The following SNX25 variants were observed in gnomAD, a reference collection of about 807,000 sequenced individuals.
The protein encoded by SNX25 is sorting nexin-25.
A neutral mutation model predicts 113.7 loss-of-function variants in SNX25; 62 were observed. The ratio of observed to expected loss-of-function variants is 0.55; its 90% CI spans 0.44 to 0.67. SNX25 has a LOEUF of 0.67. SNX25 is among the 30% of genes least tolerant of loss of function. SNX25 has a pLI of 0.00. For synonymous variants in SNX25, 421 were observed against 436.2 expected (o/e 0.97, Z 0.43); for missense variants, 1,014 against 1,161.0 (o/e 0.87, Z 1.84).
chr4:185,297,996 A>G (rs544549253), intron 6 of SNX25, among the ~76,000 whole-genome samples: 13 of 152,122 alleles, frequency 8.5e-5, no homozygotes, highest in Admixed American at 5.2e-4. Flanking sequence ...GTCCATTATT[A>G]TGCAGATGGA....
intron 14 of SNX25, among the ~76,000 whole-genome samples, chr4:185,351,908 G>A (rs1391787149): frequency 6.7e-6 from 1 of 150,318 alleles, no homozygotes; most frequent in Non-Finnish European, 1.5e-5. Context: ...CGTCATTGCG[G>A]GGTGGGGGGG....
At chr4:185,323,482 T>G in intron 8 of SNX25, 46 bp from the exon 9 acceptor site, 1 of 1,534,494 alleles carries the variant, frequency 6.5e-7, no homozygotes, top group Non-Finnish European at 8.8e-7. Flanking sequence ...ATAATTTCTC[T>G]CAGAGATGAT....
Position 185,274,856 on chromosome 4 carries a change from C to T in SNX25, c.1091+7701C>T, listed in dbSNP as rs569277058. ...AAAGTAAACTGACTTGCCCAGGATC[C>T]CATAGATAATAAACAACAGAGCTGG... On this transcript the variant is annotated intron_variant, in intron 5 of 18. Coordinates refer to ENST00000652585, the MANE Select transcript of SNX25 (RefSeq NM_001378034.2). Among the ~76,000 whole-genome samples the T allele has an allele frequency of 4.6e-5, 7 of 152,248 alleles. No individual in the cohort carries two copies. The South Asian group carries it at 1.5e-3, about 32-fold the overall frequency.
chr4:185,251,130 G>C (rs903698812), intron 2 of SNX25, among the ~76,000 whole-genome samples: 5 of 152,112 alleles, frequency 3.3e-5, no homozygotes, highest in Admixed American at 3.3e-4. Context: ...AAGTAGCTGA[G>C]ATTACAGGCA....
At chr4:185,376,909 C>T in the SNX25 span, 1 of 1,600,162 alleles carries the variant, frequency 6.2e-7, no homozygotes, top group Non-Finnish European at 8.6e-7. Context: ...AAAATGATAC[C>T]TCTTCAAAAT....
intron 1 of SNX25, among the ~76,000 whole-genome samples, chr4:185,231,702 C>T (rs1204198412): frequency 8.7e-6 from 1 of 114,800 alleles, no homozygotes; most frequent in African/African-American, 3.1e-5. Flanking sequence ...CAGAGTGGGA[C>T]TCCATCTTCA....
chr4:185,273,859 A>G (rs1238164064), intron 5 of SNX25, among the ~76,000 whole-genome samples: 1 of 152,126 alleles, frequency 6.6e-6, no homozygotes, highest in African/African-American at 2.4e-5. Flanking sequence ...GCTGAATAGT[A>G]AAGCAGGCAG....
intron 5 of SNX25, among the ~76,000 whole-genome samples, chr4:185,273,673 C>A (rs1325341861): frequency 6.6e-6 from 1 of 152,144 alleles, no homozygotes; most frequent in African/African-American, 2.4e-5. Context: ...CTTCCAATCT[C>A]CCTCCCACCT....
chr4:185,248,506 A>C (rs1221066091), intron 2 of SNX25, among the ~76,000 whole-genome samples: 1 of 151,914 alleles, frequency 6.6e-6, no homozygotes, highest in Non-Finnish European at 1.5e-5. Flanking sequence ...ACAAAAATTA[A>C]CTGGGAGTGG....
intron 13 of SNX25, among the ~76,000 whole-genome samples, chr4:185,347,019 G>A (rs1399283735): frequency 2.6e-5 from 4 of 152,130 alleles, no homozygotes; most frequent in Admixed American, 6.5e-5. Flanking sequence ...AAATGGAACC[G>A]TATAGTGTGA....
At chr4:185,372,622 A>C (rs2095419712), downstream of SNX25, among the ~76,000 whole-genome samples, 1 of 152,222 alleles carries the variant, frequency 6.6e-6, no homozygotes, top group African/African-American at 2.4e-5. Flanking sequence ...TGGGGCTCTT[A>C]AGAGGCGACG....
chr4:185,206,133 T>C (rs780361802), upstream of SNX25, among the ~76,000 whole-genome samples: 4 of 152,214 alleles, frequency 2.6e-5, no homozygotes, highest in Admixed American at 2.6e-4. Context: ...TAGAATTATA[T>C]GACCCAGCAA....
chr4:185,346,487 GA>G lies in SNX25; in HGVS notation c.2188-49del, dbSNP rs749673192. On this transcript the variant is annotated intron_variant, in intron 12 of 18. Coordinates refer to ENST00000652585, the MANE Select transcript of SNX25 (RefSeq NM_001378034.2). The stretch of plus-strand genomic sequence containing the variant: ...AATTGTTATTCTAAATCTTTTTTAA[GA>G]TTAAAATGTAATTTCAAAATACTAA... 18 of 1,198,358 alleles carry G rather than the reference GA, an allele frequency of 1.5e-5. No homozygotes were observed. The Admixed American group carries it at 3.8e-4, about 25-fold the overall frequency. 74.2% of individuals were successfully genotyped at this position (1,198,358 alleles called of 1,614,324 possible).
In SNX25 at chr4:185,287,996, T is replaced by C; in HGVS notation, c.1092-16T>C. On this transcript the variant is annotated splice_polypyrimidine_tract_variant and intron_variant, in intron 5 of 18. Transcript: ENST00000652585. The stretch of plus-strand genomic sequence containing the variant: ...CTTCCTCTTAAATCTTTTTCTTTTC[T>C]CTTTTTAAAAATCAGGTATCAAATT... 1 of 1,598,310 alleles carries C rather than the reference T, an allele frequency of 6.3e-7. No homozygotes were observed.
the SNX25 span, among the ~76,000 whole-genome samples, chr4:185,376,443 CTTTTTTTTTTTT>C: frequency 2.8e-5 from 3 of 105,824 alleles, no homozygotes; most frequent in Non-Finnish European, 5.5e-5. Context: ...TGCCCAGCTA[CTTTTTTTTTTTT>C]TTTTTTTTTT....
chr4:185,318,545 T>A (rs889830819), intron 7 of SNX25, among the ~76,000 whole-genome samples: 5 of 152,210 alleles, frequency 3.3e-5, no homozygotes, highest in South Asian at 2.1e-4. Flanking sequence ...GAGATTTTTT[T>A]AATGAATATG....
At chr4:185,307,059 G>T (rs1233160860) in intron 6 of SNX25, among the ~76,000 whole-genome samples, 1 of 152,244 alleles carries the variant, frequency 6.6e-6, no homozygotes, top group Non-Finnish European at 1.5e-5. Context: ...GTATTGACCT[G>T]AGGCCTGCCT....
In SNX25 at chr4:185,264,491, A is replaced by G. The variant is rs1464164482; in HGVS notation, c.785A>G (p.Asp262Gly). Residue 262 changes from aspartate to glycine, a missense_variant, in exon 4 of 19, where the codon GAT becomes GGT. By Grantham distance (94) the Asp-to-Gly change is moderately conservative. Coordinates refer to ENST00000652585, the MANE Select transcript of SNX25 (RefSeq NM_001378034.2). The part of the protein sequence containing the change: ...FVLHACLRNS[D>G]DEVRFLQTCS... ...TTGCACGCATGCTTGAGGAACTCAG[A>G]TGATGAAGTAAGATTTCTACAAACG... 3 of 1,613,828 alleles carry G rather than the reference A, an allele frequency of 1.9e-6. No individual in the cohort carries two copies. The highest frequency in any genetic ancestry group is 2.7e-5 in the African/African-American group (2 of 74,932).
downstream of SNX25, chr4:185,364,645 A>T (rs1212533036): frequency 6.6e-6 from 1 of 152,014 alleles, no homozygotes; most frequent in Non-Finnish European, 1.5e-5. Context: ...TATCCTTAAG[A>T]TTTTTTTAGT....
Sources: allele counts gnomAD v4.1 joint callset (sites outside exome capture counted in the v4.1 genomes callset), GRCh38; gene constraint gnomAD v4.1.1; transcripts MANE v1.5; gene names NCBI Gene and HGNC (gene_info 2026-07-23, HGNC 2026-07-21).